The following CNTNAP2 variants were observed in gnomAD, a reference collection of about 807,000 sequenced individuals.
CNTNAP2 encodes the protein contactin associated protein 2.
Under a neutral mutation model 155.2 loss-of-function variants are expected in CNTNAP2, and 98 were observed. The ratio of observed to expected loss-of-function variants is 0.63; its 90% CI spans 0.54 to 0.75. The LOEUF (loss-of-function observed/expected upper bound fraction) is 0.75. CNTNAP2 is among the 30% of genes least tolerant of loss of function. The pLI, the probability that CNTNAP2 is intolerant of heterozygous loss-of-function variation, is 0.00. For synonymous variants in CNTNAP2, 651 were observed against 631.2 expected (o/e 1.03, Z -0.47); for missense variants, 1,727 against 1,688.1 (o/e 1.02, Z -0.40).
At chr7:146,900,713 C>G (rs1795974978) in intron 3 of CNTNAP2, among the ~76,000 whole-genome samples, 1 of 152,176 alleles carries the variant, frequency 6.6e-6, no homozygotes, top group African/African-American at 2.4e-5. Context: ...TGTCAGCTTT[C>G]TCTGAACCTC....
intron 10 of CNTNAP2, among the ~76,000 whole-genome samples, chr7:147,470,198 A>G (rs1798192389): frequency 6.6e-6 from 1 of 152,238 alleles, no homozygotes; most frequent in Non-Finnish European, 1.5e-5. Context: ...GAAGAGACAC[A>G]GATGAGGCAA....
At chr7:147,135,622 G>A (rs1801462808) in intron 8 of CNTNAP2, among the ~76,000 whole-genome samples, 1 of 151,600 alleles carries the variant, frequency 6.6e-6, no homozygotes, top group Non-Finnish European at 1.5e-5. Flanking sequence ...GGTGGACCTA[G>A]AACCATGTTT....
rs1260653288 is a variant in CNTNAP2 at position 147,330,668 on chromosome 7, C to T, written c.1498+30378C>T. 2.6e-5 allele frequency among the ~76,000 whole-genome samples: 4 copies of T among 152,260 alleles called. No homozygotes were observed. The East Asian group carries it at 7.7e-4, about 29-fold the overall frequency. ...GCTTTACTCCCAAACTTATAACATC[C>T]TTCTTTTTGCCATCCTAATTGGTAT... On this transcript the variant is annotated intron_variant, in intron 9 of 23. Transcript: ENST00000361727.
intron 11 of CNTNAP2, among the ~76,000 whole-genome samples, chr7:147,509,460 C>G (rs575440213): frequency 2.0e-5 from 3 of 152,132 alleles, no homozygotes. Flanking sequence ...GACTTTTTTG[C>G]TTGAAGGAAA....
intron 15 of CNTNAP2, among the ~76,000 whole-genome samples, chr7:148,071,936 A>T (rs937459436): frequency 1.3e-5 from 2 of 152,210 alleles, no homozygotes; most frequent in Non-Finnish European, 2.9e-5. Context: ...AAAAATTTCC[A>T]AGAGACAGGA....
At chr7:147,148,357 T>G (rs1801753790) in intron 8 of CNTNAP2, among the ~76,000 whole-genome samples, 1 of 132,080 alleles carries the variant, frequency 7.6e-6, no homozygotes, top group Admixed American at 8.5e-5. Context: ...GCCACTGCAC[T>G]CCAGCCTGGG....
intron 1 of CNTNAP2, among the ~76,000 whole-genome samples, chr7:146,449,725 A>G (rs562734268): frequency 3.7e-4 from 57 of 152,250 alleles, no homozygotes; most frequent in Middle Eastern, 3.4e-3. Context: ...AATTTTGCAT[A>G]TTTCATGAAT....
intron 1 of CNTNAP2, among the ~76,000 whole-genome samples, chr7:146,691,064 A>G (rs1212570631): frequency 1.3e-5 from 2 of 152,162 alleles, no homozygotes; most frequent in African/African-American, 2.4e-5. Context: ...TAATACCTGC[A>G]TGTTATATGA....
At chr7:147,315,260 C>T (rs759096726) in intron 9 of CNTNAP2, among the ~76,000 whole-genome samples, 5 of 140,048 alleles carry the variant, frequency 3.6e-5, no homozygotes, top group Non-Finnish European at 7.8e-5. Context: ...CTATAAAATT[C>T]ACCATTTAAA....
intron 13 of CNTNAP2, among the ~76,000 whole-genome samples, chr7:147,894,425 G>C (rs1165887475): frequency 6.6e-6 from 1 of 152,120 alleles, no homozygotes; most frequent in Non-Finnish European, 1.5e-5. Flanking sequence ...TGTTACCAGA[G>C]AGCAGAGCCT....
intron 11 of CNTNAP2, among the ~76,000 whole-genome samples, chr7:147,513,898 T>C (rs997673710): frequency 6.6e-6 from 1 of 152,200 alleles, no homozygotes; most frequent in Non-Finnish European, 1.5e-5. Flanking sequence ...GACCTGGATT[T>C]TTCTGTTTTG....
chr7:147,938,423 A>G (rs1464064572), intron 14 of CNTNAP2, among the ~76,000 whole-genome samples: 2 of 152,224 alleles, frequency 1.3e-5, no homozygotes, highest in Non-Finnish European at 2.9e-5. Flanking sequence ...AGGAAACACG[A>G]AGAATTAATG....
At chr7:148,027,786 A>C (rs772484560) in intron 15 of CNTNAP2, among the ~76,000 whole-genome samples, 1 of 152,216 alleles carries the variant, frequency 6.6e-6, no homozygotes, top group African/African-American at 2.4e-5. Context: ...GCCTTTCGTG[A>C]AAGAGTTGAC....
intron 8 of CNTNAP2, among the ~76,000 whole-genome samples, chr7:147,274,088 C>A (rs1043387382): frequency 1.3e-5 from 2 of 151,476 alleles, no homozygotes; most frequent in African/African-American, 4.8e-5. Flanking sequence ...TTTTCCTAGT[C>A]ATCTGTTGAT....
At chr7:146,726,815 CAT>C (rs1293097736) in intron 1 of CNTNAP2, among the ~76,000 whole-genome samples, 2 of 152,122 alleles carry the variant, frequency 1.3e-5, no homozygotes, top group Admixed American at 1.3e-4. Context: ...ATGCCATTGT[CAT>C]GTTTAAATAC....
chr7:146,135,183 A>G (rs1022951470), intron 1 of CNTNAP2, among the ~76,000 whole-genome samples: 7 of 152,170 alleles, frequency 4.6e-5, no homozygotes, highest in African/African-American at 1.7e-4. Flanking sequence ...TTTCCTACTT[A>G]TTTTAAAATT....
At chr7:147,748,583 T>C (rs867357578) in intron 13 of CNTNAP2, among the ~76,000 whole-genome samples, 18 of 152,192 alleles carry the variant, frequency 1.2e-4, no homozygotes, top group Non-Finnish European at 2.5e-4. Flanking sequence ...CAAGATGCCA[T>C]TAGGAGCATG....
At chr7:147,307,021 TA>T (rs1795041930) in intron 9 of CNTNAP2, among the ~76,000 whole-genome samples, 2 of 152,226 alleles carry the variant, frequency 1.3e-5, no homozygotes, top group African/African-American at 4.8e-5. Flanking sequence ...AAGAATAAAT[TA>T]AGTCATCTTT....
chr7:147,301,249 T>TG (rs1338041741), intron 9 of CNTNAP2, among the ~76,000 whole-genome samples: 7 of 152,198 alleles, frequency 4.6e-5, no homozygotes, highest in South Asian at 2.1e-4. Context: ...ACTCTATGTG[T>TG]GAAAAAGTGT....
Sources: allele counts gnomAD v4.1 joint callset (sites outside exome capture counted in the v4.1 genomes callset), GRCh38; gene constraint gnomAD v4.1.1; transcripts MANE v1.5; gene names NCBI Gene and HGNC (gene_info 2026-07-23, HGNC 2026-07-21).